Variants in QKI observed in about 807,000 individuals in gnomAD.
The protein encoded by QKI is QKI, KH domain containing RNA binding, also known as KH domain-containing RNA-binding protein QKI.
In QKI, 10 loss-of-function variants were observed where a neutral mutation model predicts 39.0. The observed-to-expected ratio is 0.26, with a 90% CI of 0.16 to 0.43. QKI has a LOEUF of 0.43. QKI is among the 20% of genes least tolerant of loss of function. The pLI is 1.00. For synonymous variants in QKI, 204 were observed against 155.4 expected, an observed-to-expected ratio of 1.31 and a Z score of -2.33; for missense variants, 218 against 428.0, an observed-to-expected ratio of 0.51 and a Z score of 4.33.
intron 3 of QKI, among the ~76,000 whole-genome samples, chr6:163,500,484 A>G (rs1778693396): frequency 6.6e-6 from 1 of 152,104 alleles, no homozygotes. Context: ...ATACAATGTA[A>G]TGTTTATATT....
At chr6:163,468,094 G>T (rs1239963955) in intron 2 of QKI, among the ~76,000 whole-genome samples, 1 of 152,108 alleles carries the variant, frequency 6.6e-6, no homozygotes, top group Non-Finnish European at 1.5e-5. Flanking sequence ...ACTAGATTGG[G>T]TGTGGTCCGT....
At chr6:163,455,250 A>C in intron 1 of QKI, 29 bp from the exon 2 acceptor site, 1 of 1,580,858 alleles carries the variant, frequency 6.3e-7, no homozygotes, top group Non-Finnish European at 8.6e-7. Context: ...TTTTTTGTCT[A>C]ACACATTTAA....
intron 4 of QKI, among the ~76,000 whole-genome samples, chr6:163,545,935 ATATT>A (rs1781841033): frequency 1.3e-5 from 2 of 150,672 alleles, no homozygotes; most frequent in Non-Finnish European, 3.0e-5. Flanking sequence ...CAGAATTTGC[ATATT>A]TAGTTTGTAA....
At chr6:163,551,655 A>C (rs763899130) in intron 4 of QKI, among the ~76,000 whole-genome samples, 1 of 152,188 alleles carries the variant, frequency 6.6e-6, no homozygotes, top group Non-Finnish European at 1.5e-5. Context: ...TTCTACCGCT[A>C]CTCTTCTTTG....
In QKI at chr6:163,532,962, CT is replaced by C. The variant is rs543715078; in HGVS notation, c.403-2018del. Among the ~76,000 whole-genome samples, 269 of 152,214 alleles carry C rather than the reference CT, an allele frequency of 1.8e-3. 1 individual carries two copies. The highest frequency in any genetic ancestry group is 0.01 in the Middle Eastern group (3 of 294). ...TTGTCTGATGTCCAGTGGCTTGAAA[CT>C]TGTTGATACGTTTTGCCAGTTTTTT... is the stretch of plus-strand genomic sequence containing the variant. On this transcript the variant is annotated intron_variant, in intron 3 of 7. Coordinates refer to ENST00000361752, the MANE Select transcript of QKI (RefSeq NM_006775.3).
At chr6:163,547,222 A>G (rs1017555125) in intron 4 of QKI, among the ~76,000 whole-genome samples, 1 of 152,228 alleles carries the variant, frequency 6.6e-6, no homozygotes, top group African/African-American at 2.4e-5. Flanking sequence ...GACTGACAAA[A>G]GAAATTCATC....
intron 1 of QKI, among the ~76,000 whole-genome samples, chr6:163,420,083 A>C (rs1402821884): frequency 1.3e-5 from 2 of 151,074 alleles, no homozygotes; most frequent in Non-Finnish European, 2.9e-5. Context: ...CCTGGCCTTC[A>C]CCGAAGCATG....
At chr6:163,559,486 GCTTA>G (rs767472163) in intron 4 of QKI, among the ~76,000 whole-genome samples, 10 of 152,144 alleles carry the variant, frequency 6.6e-5, no homozygotes, top group East Asian at 1.9e-4. Context: ...TCCAATAGTA[GCTTA>G]CTTATTTCGT....
chr6:163,444,252 T>C (rs1789978763), intron 1 of QKI, among the ~76,000 whole-genome samples: 1 of 152,176 alleles, frequency 6.6e-6, no homozygotes, highest in Non-Finnish European at 1.5e-5. Flanking sequence ...AGATGCATTT[T>C]AGGGCAGATG....
intron 3 of QKI, among the ~76,000 whole-genome samples, chr6:163,514,780 T>C (rs1779688117): frequency 1.3e-5 from 2 of 152,274 alleles, no homozygotes; most frequent in African/African-American, 4.8e-5. Flanking sequence ...TGCCCAAAAA[T>C]GAAGAGCAAA....
In QKI at chr6:163,478,897, G is replaced by A. The variant is rs1792838296; in HGVS notation, c.402+1G>A. The A allele has an allele frequency of 6.3e-7, 1 of 1,596,810 alleles. No individual in the cohort carries two copies. Among genetic ancestry groups the A allele is most frequent in the African/African-American group, 1.3e-5 (1 of 74,246 alleles). On this transcript the variant is annotated splice_donor_variant, in intron 3 of 7. Transcript: ENST00000361752. LOFTEE classifies it high-confidence loss of function. ...AGGCTCAATGAGGGATAAAAAAAAG[G>A]TAAGTCCTTGAAAATGGACTAAGTC...
At chr6:163,517,207 A>G (rs1779884493) in intron 3 of QKI, among the ~76,000 whole-genome samples, 1 of 152,138 alleles carries the variant, frequency 6.6e-6, no homozygotes, top group South Asian at 2.1e-4. Flanking sequence ...AGGAAGGAAG[A>G]TCCAGAGGGC....
intron 2 of QKI, among the ~76,000 whole-genome samples, chr6:163,457,944 A>G (rs1007561160): frequency 6.6e-6 from 1 of 152,172 alleles, no homozygotes; most frequent in African/African-American, 2.4e-5. Flanking sequence ...ATCTGTTACA[A>G]TATGATGGGA....
At chr6:163,546,305 T>C (rs1781871026) in intron 4 of QKI, among the ~76,000 whole-genome samples, 1 of 151,920 alleles carries the variant, frequency 6.6e-6, no homozygotes, top group African/African-American at 2.4e-5. Context: ...AGTAGCATCA[T>C]GTTCCTTATA....
intron 1 of QKI, among the ~76,000 whole-genome samples, chr6:163,431,478 C>A (rs906624622): frequency 2.7e-5 from 4 of 148,960 alleles, no homozygotes; most frequent in African/African-American, 9.7e-5. Flanking sequence ...CATGTTGTAA[C>A]TCATGCCTGG....
At chr6:163,455,564 A>G in intron 2 of QKI, 143 bp downstream of exon 2, 1 of 865,604 alleles carries the variant, frequency 1.2e-6, no homozygotes, top group Non-Finnish European at 1.7e-6. Flanking sequence ...ATTTGGCATG[A>G]TAATTTAAAA....
chr6:163,453,469 T>G (rs909432519), intron 1 of QKI, among the ~76,000 whole-genome samples: 7 of 152,162 alleles, frequency 4.6e-5, no homozygotes, highest in Non-Finnish European at 7.4e-5. Context: ...TATGTGTGAT[T>G]TTAATTAGAT....
At chr6:163,456,881 C>T in intron 2 of QKI, among the ~76,000 whole-genome samples, 1 of 152,048 alleles carries the variant, frequency 6.6e-6, no homozygotes. Flanking sequence ...GCCTTGCTGA[C>T]ATAACTTGGC....
At chr6:163,519,417 AAG>A (rs1263643048) in intron 3 of QKI, among the ~76,000 whole-genome samples, 1 of 151,980 alleles carries the variant, frequency 6.6e-6, no homozygotes, top group Non-Finnish European at 1.5e-5. Flanking sequence ...GGGCCTTAAA[AAG>A]AGTGGGTGTG....
Sources: gnomAD v4.1 joint callset for allele counts (sites outside exome capture counted in the v4.1 genomes callset) on GRCh38, gnomAD v4.1.1 for gene constraint, MANE v1.5 for transcripts, NCBI Gene and HGNC (gene_info 2026-07-23, HGNC 2026-07-21) for gene names.